Variants in GALNT18 observed in about 807,000 individuals in gnomAD.
GALNT18 encodes polypeptide N-acetylgalactosaminyltransferase 18.
In GALNT18, 44 loss-of-function variants were observed where a neutral mutation model predicts 69.5. The ratio of observed to expected loss-of-function variants is 0.63; its 90% confidence interval spans 0.50 to 0.81. GALNT18 has a LOEUF of 0.81. Among genes scored for constraint, GALNT18 ranks in the 40% least tolerant of loss-of-function variants. GALNT18 has a pLI of 0.00. For missense variants in GALNT18, 715 were observed against 810.0 expected, an observed-to-expected ratio of 0.88 and a Z score of 1.42; for synonymous variants, 364 against 318.2, an observed-to-expected ratio of 1.14 and a Z score of -1.53.
intron 1 of GALNT18, among the ~76,000 whole-genome samples, chr11:11,576,739 G>T (rs1009365312): frequency 2.0e-5 from 3 of 152,228 alleles, no homozygotes; most frequent in Non-Finnish European, 4.4e-5. Context: ...TGAGATCGGG[G>T]TCTGCGTGTG....
rs889812465 is a variant in GALNT18, at chr11:11,459,041, C to T, written c.236-10105G>A. 6.6e-6 allele frequency among the ~76,000 whole-genome samples: 1 copy of T among 152,186 alleles called. No homozygotes were observed. The highest frequency in any genetic ancestry group is 1.5e-5 in the Non-Finnish European group (1 of 68,036). ...ATCATAGCGGTACTCTTCTTATATC[C>T]AGCAAAGCAAGATGTTATGCCTCTG... On this transcript the variant is annotated intron_variant, in intron 1 of 10. Coordinates refer to ENST00000227756, the MANE Select transcript of GALNT18 (RefSeq NM_198516.3). The surrounding 1 kb of genome is among the most constrained non-coding windows in gnomAD (Gnocchi z 5.0).
chr11:11,495,346 T>A (rs1423805415), intron 1 of GALNT18, among the ~76,000 whole-genome samples: 1 of 151,990 alleles, frequency 6.6e-6, no homozygotes. Context: ...TGAATGTGAA[T>A]CTCCAAGAGG....
chr11:11,292,363 A>G (rs1022420561), intron 10 of GALNT18, among the ~76,000 whole-genome samples: 45 of 152,134 alleles, frequency 3.0e-4, no homozygotes, highest in African/African-American at 1.0e-3. Context: ...ACATTCTATA[A>G]TGGGAGCTAC....
rs1026015082 is a variant in GALNT18 at position 11,389,649 on chromosome 11, C to T, written c.596-10385G>A. Among the ~76,000 whole-genome samples the T allele has an allele frequency of 7.9e-5, 12 of 152,178 alleles. No homozygotes were observed. Among genetic ancestry groups the T allele is most frequent in the African/African-American group, 2.9e-4 (12 of 41,458 alleles). On this transcript the variant is annotated intron_variant, in intron 3 of 10. Coordinates refer to ENST00000227756, the MANE Select transcript of GALNT18 (RefSeq NM_198516.3). This position sits in a 1 kb window ranked among gnomAD's most constrained non-coding sequence, Gnocchi z 4.3. Reference sequence around the variant, plus strand: ...GGACGCTGCTCCAGCCCCAGCTCCTCCAGCTTAGGAGTACTGAGAAGAGTC... The same window carrying T: ...GGACGCTGCTCCAGCCCCAGCTCCTTCAGCTTAGGAGTACTGAGAAGAGTC...
intron 3 of GALNT18, among the ~76,000 whole-genome samples, chr11:11,399,516 G>A (rs1425126989): frequency 6.6e-6 from 1 of 152,118 alleles, no homozygotes; most frequent in East Asian, 1.9e-4. Flanking sequence ...TCTTTAACAG[G>A]CTAGGGCTGC....
At chr11:11,364,255 G>A (rs896724415) in intron 6 of GALNT18, among the ~76,000 whole-genome samples, 1 of 152,114 alleles carries the variant, frequency 6.6e-6, no homozygotes, top group African/African-American at 2.4e-5. Context: ...ATTACTATTT[G>A]GTAACCCCTA....
intron 1 of GALNT18, among the ~76,000 whole-genome samples, chr11:11,483,624 G>A (rs1040532885): frequency 5.3e-5 from 8 of 152,132 alleles, no homozygotes; most frequent in African/African-American, 1.9e-4. Flanking sequence ...CCTGAGGAGG[G>A]TTCAGGAAAG....
intron 6 of GALNT18, among the ~76,000 whole-genome samples, chr11:11,349,281 C>T (rs980480544): frequency 1.6e-4 from 24 of 152,206 alleles, no homozygotes; most frequent in African/African-American, 2.4e-4. Flanking sequence ...TCCTGGTGCA[C>T]GAGAGTGGGC....
At chr11:11,411,318 G>A (rs1355745187) in intron 3 of GALNT18, among the ~76,000 whole-genome samples, 2 of 152,128 alleles carry the variant, frequency 1.3e-5, no homozygotes, top group Non-Finnish European at 2.9e-5. Flanking sequence ...GTCTACACAC[G>A]AGGAGTGATC....
rs1344735594 is a variant in GALNT18, at chr11:11,562,692, C to T, written c.235+58667G>A. On this transcript the variant is annotated intron_variant, in intron 1 of 10. Coordinates refer to ENST00000227756, the MANE Select transcript of GALNT18 (RefSeq NM_198516.3). The surrounding 1 kb of genome is among the most constrained non-coding windows in gnomAD (Gnocchi z 4.1). ...CAGCAGAGGAGCAAACAAAGTATTA[C>T]ATATTATGAAATTCCGTAGGGAGAA... 1.3e-5 allele frequency among the ~76,000 whole-genome samples: 2 copies of T among 152,182 alleles called. No individual in the cohort carries two copies. The highest frequency in any genetic ancestry group is 2.9e-5 in the Non-Finnish European group (2 of 68,024).
At position 11,338,021 on chromosome 11, in the gene GALNT18, G is replaced by A. The variant is rs1365007742; in HGVS notation, c.1278+2798C>T. Among the ~76,000 whole-genome samples the A allele has an allele frequency of 6.9e-6, 1 of 145,928 alleles. No individual in the cohort carries two copies. Among genetic ancestry groups the A allele is most frequent in the Non-Finnish European group, 1.5e-5 (1 of 67,406 alleles). ...CTCTGTCACCCAGGCTGGAGTGAGT[G>A]CAGTGGCACGATCTCAGCTCACTGG... On this transcript the variant is annotated intron_variant, in intron 7 of 10. Coordinates refer to ENST00000227756, the MANE Select transcript of GALNT18 (RefSeq NM_198516.3). The surrounding 1 kb of genome is among the most constrained non-coding windows in gnomAD (Gnocchi z 5.3).
rs142999499 is a variant in GALNT18 at position 11,586,896 on chromosome 11, G to A, written c.235+34463C>T. On this transcript the variant is annotated intron_variant, in intron 1 of 10. Coordinates refer to ENST00000227756, the MANE Select transcript of GALNT18 (RefSeq NM_198516.3). This position sits in a 1 kb window ranked among gnomAD's most constrained non-coding sequence, Gnocchi z 4.1. ...CCAGCTACTCAGGAGGCTGAGGCAG[G>A]AGAATCACTTGAACCCAGGAGGCGG... Among the ~76,000 whole-genome samples, 4,546 of 152,138 alleles carry A rather than the reference G, an allele frequency of 0.03. 215 individuals carry two copies. Among genetic ancestry groups the A allele is most frequent in the African/African-American group, 0.1 (4,295 of 41,440 alleles).
At chr11:11,507,663 G>A (rs1857091881) in intron 1 of GALNT18, among the ~76,000 whole-genome samples, 1 of 152,168 alleles carries the variant, frequency 6.6e-6, no homozygotes, top group South Asian at 2.1e-4. Context: ...CTCCACCTCT[G>A]TGATGGTTAA....
chr11:11,389,819 G>A lies in GALNT18; in HGVS notation c.596-10555C>T, dbSNP rs1037539337. ...TGCAAAGGGAATTCCAGGAGGCCCA[G>A]GTCCAGGTCCTCCTGCCCTATGTGT... On this transcript the variant is annotated intron_variant, in intron 3 of 10. Transcript: ENST00000227756. The surrounding 1 kb of genome is among the most constrained non-coding windows in gnomAD (Gnocchi z 4.3). Among the ~76,000 whole-genome samples, 26 of 152,182 alleles carry A rather than the reference G, an allele frequency of 1.7e-4. No homozygotes were observed. The highest frequency in any genetic ancestry group is 1.5e-3 in the Admixed American group (23 of 15,274).
At position 11,454,284 on chromosome 11, in the gene GALNT18, T is replaced by C. The variant is rs370547661; in HGVS notation, c.236-5348A>G. On this transcript the variant is annotated intron_variant, in intron 1 of 10. Coordinates refer to ENST00000227756, the MANE Select transcript of GALNT18 (RefSeq NM_198516.3). The surrounding 1 kb of genome is among the most constrained non-coding windows in gnomAD (Gnocchi z 4.2). ...CACAGTTACGCAGACTGGCACGGCA[T>C]GTTTAAGAGCTTCTCAGGTAGTTCC... Among the ~76,000 whole-genome samples the C allele has an allele frequency of 6.1e-4, 93 of 152,178 alleles. 2 individuals carry two copies. Among genetic ancestry groups the C allele is most frequent in the East Asian group, 9.6e-4 (5 of 5,186 alleles).
chr11:11,336,331 T>C (rs1463677192), intron 7 of GALNT18, among the ~76,000 whole-genome samples: 5 of 152,208 alleles, frequency 3.3e-5, no homozygotes, highest in Non-Finnish European at 7.3e-5. Flanking sequence ...GGGCCAGTTC[T>C]GCTCAGTTCA....
At chr11:11,284,602 C>T (rs1231982370) in intron 10 of GALNT18, among the ~76,000 whole-genome samples, 6 of 152,194 alleles carry the variant, frequency 3.9e-5, no homozygotes, top group South Asian at 2.1e-4. Context: ...TTCACAAGGA[C>T]GCTGTGTGTG....
In GALNT18 at chr11:11,541,436, A is replaced by G. The variant is rs1290059445; in HGVS notation, c.235+79923T>C. Among the ~76,000 whole-genome samples, 1 of 151,996 alleles carries G rather than the reference A, an allele frequency of 6.6e-6. No homozygotes were observed. Among genetic ancestry groups the G allele is most frequent in the Non-Finnish European group, 1.5e-5 (1 of 68,004 alleles). On this transcript the variant is annotated intron_variant, in intron 1 of 10. Transcript: ENST00000227756. This position sits in a 1 kb window ranked among gnomAD's most constrained non-coding sequence, Gnocchi z 4.8. ...AGCCAGTCTCCCTGCCTTCAGCCTC[A>G]TTCCTCCCATCCACCTTCCACCTGT...
chr11:11,271,743 G>A (rs954099706), intron 10 of GALNT18, among the ~76,000 whole-genome samples: 2 of 152,190 alleles, frequency 1.3e-5, no homozygotes, highest in African/African-American at 4.8e-5. Flanking sequence ...CATCAATACT[G>A]GTTTCAACCA....
Sources: gnomAD v4.1 joint callset for allele counts (sites outside exome capture counted in the v4.1 genomes callset) on GRCh38, gnomAD v4.1.1 for gene constraint, Gnocchi (gnomAD v3.1) non-coding constraint, MANE v1.5 for transcripts, NCBI Gene and HGNC (gene_info 2026-07-23, HGNC 2026-07-21) for gene names.